Variants in C16orf74 observed in about 807,000 individuals in gnomAD.
C16orf74 encodes the protein calcimembrin.
C16orf74 carries 10 observed loss-of-function variants against 6.5 expected under a neutral mutation model. That is an observed-to-expected ratio of 1.54 (90% confidence interval 0.95 to 2.61). The LOEUF (loss-of-function observed/expected upper bound fraction) is 2.61. C16orf74 is among the 30% of genes most tolerant of loss of function. The pLI is 0.00. For missense variants in C16orf74, 141 were observed against 105.9 expected, an observed-to-expected ratio of 1.33 and a Z score of -1.45; for synonymous variants, 60 against 42.5, an observed-to-expected ratio of 1.41 and a Z score of -1.60.
chr16:85,731,385 G>T (rs1314767996), intron 2 of C16orf74, among the ~76,000 whole-genome samples: 2 of 152,272 alleles, frequency 1.3e-5, no homozygotes, highest in Non-Finnish European at 2.9e-5. Context: ...AAATCGTTAA[G>T]GGGCAGAGCT....
At chr16:85,744,908 G>C (rs1338299856) in intron 1 of C16orf74, among the ~76,000 whole-genome samples, 1 of 150,402 alleles carries the variant, frequency 6.6e-6, no homozygotes, top group African/African-American at 2.4e-5. Flanking sequence ...TTGGGAGGCC[G>C]AGGTGGGCGG....
Position 85,744,242 on chromosome 16 carries a change from A to AAAG in C16orf74, c.-19+6683_-19+6684insCTT, listed in dbSNP as rs1205712618. 180 of 149,692 alleles carry AAAG rather than the reference A, an allele frequency of 1.2e-3. 2 individuals carry two copies. The highest frequency in any genetic ancestry group is 4.3e-3 in the African/African-American group (174 of 40,752). The allele number at this position is 149,692 out of a possible 1,614,324, so 9.3% of individuals were successfully genotyped here. A position where few individuals can be genotyped will look rare whatever the true frequency, so the allele number is the denominator to read the frequency against. On this transcript the variant is annotated intron_variant, in intron 1 of 3. Transcript: ENST00000284245. Reference sequence around the variant, plus strand: ...CTCCGTCTCAAAAAAAAAAAAAAAAAAAAAAGAAAAGAAAAGAAAAAGAAA... The same window carrying AAAG: ...CTCCGTCTCAAAAAAAAAAAAAAAAAAAGAAAAAGAAAAGAAAAGAAAAAGAAA...
chr16:85,739,181 G>A (rs1042962657), intron 1 of C16orf74, among the ~76,000 whole-genome samples: 6 of 152,074 alleles, frequency 3.9e-5, no homozygotes, highest in African/African-American at 1.2e-4. Context: ...ATAAGCCAGA[G>A]GGAAAGCTGC....
At chr16:85,739,566 A>C (rs1193441425) in intron 1 of C16orf74, among the ~76,000 whole-genome samples, 1 of 152,228 alleles carries the variant, frequency 6.6e-6, no homozygotes, top group African/African-American at 2.4e-5. Flanking sequence ...ATAGGAGAGC[A>C]TGACATACTG....
At chr16:85,736,723 T>G (rs2054248726) in intron 1 of C16orf74, among the ~76,000 whole-genome samples, 1 of 152,168 alleles carries the variant, frequency 6.6e-6, no homozygotes, top group Admixed American at 6.5e-5. Flanking sequence ...TGATCACGGA[T>G]AGTTTATCTC....
rs546339875 is a variant in C16orf74, at chr16:85,742,763, AC to A, written c.-18-7529del. Among the ~76,000 whole-genome samples, 16 of 151,758 alleles carry A rather than the reference AC, an allele frequency of 1.1e-4. No homozygotes were observed. In the South Asian group the frequency reaches 2.9e-3, roughly 28 times the overall value. On this transcript the variant is annotated intron_variant, in intron 1 of 3. Transcript: ENST00000284245. ...TCCATGTTAATCAGGCTAGTCTTGA[AC>A]TCCCAACCTCAGGTGATCCGCCTGC...
chr16:85,710,854 C>G (rs2152057531), intron 2 of C16orf74: 1 of 152,770 alleles, frequency 6.5e-6, no homozygotes, highest in Middle Eastern at 3.4e-3. Context: ...TGGCTGCTCC[C>G]TCTTTTGCCC....
chr16:85,715,145 A>C (rs1421447646), intron 2 of C16orf74, among the ~76,000 whole-genome samples: 1 of 136,358 alleles, frequency 7.3e-6, no homozygotes. Context: ...TGACAGAGCC[A>C]GACTCCGTCT....
chr16:85,715,406 G>A (rs1211787368), intron 2 of C16orf74, among the ~76,000 whole-genome samples: 2 of 152,220 alleles, frequency 1.3e-5, no homozygotes, highest in South Asian at 2.1e-4. Context: ...ACCTAAGAGA[G>A]TAATATCCAC....
At chr16:85,724,226 C>T (rs978157633) in intron 2 of C16orf74, among the ~76,000 whole-genome samples, 14 of 152,182 alleles carry the variant, frequency 9.2e-5, no homozygotes, top group African/African-American at 3.1e-4. Context: ...AACACAAAGC[C>T]AGGGAGACCC....
In C16orf74 at chr16:85,741,985, G is replaced by A. The variant is rs550283574; in HGVS notation, c.-18-6750C>T. Among the ~76,000 whole-genome samples, 8 of 152,308 alleles carry A rather than the reference G, an allele frequency of 5.3e-5. No homozygotes were observed. In the East Asian group the frequency reaches 1.4e-3, roughly 26 times the overall value. On this transcript the variant is annotated intron_variant, in intron 1 of 3. Coordinates refer to ENST00000284245, the MANE Select transcript of C16orf74 (RefSeq NM_206967.3). ...GCCTGATGGGAGGTGTCTGGGTCATGGGGCAATCTCTCATGAACAGCTTGC... is the reference window on the plus strand; with the variant it reads ...GCCTGATGGGAGGTGTCTGGGTCATAGGGCAATCTCTCATGAACAGCTTGC...
At chr16:85,739,609 G>A (rs968899504) in intron 1 of C16orf74, among the ~76,000 whole-genome samples, 25 of 152,054 alleles carry the variant, frequency 1.6e-4, no homozygotes, top group African/African-American at 6.0e-4. Flanking sequence ...GACCAGCCTG[G>A]GCAACATGGC....
At chr16:85,745,805 A>G (rs2152067049) in intron 1 of C16orf74, among the ~76,000 whole-genome samples, 1 of 152,066 alleles carries the variant, frequency 6.6e-6, no homozygotes, top group Non-Finnish European at 1.5e-5. Context: ...CCAAAGACAC[A>G]GAATCTCCCG....
chr16:85,718,387 T>G (rs1041692214), intron 2 of C16orf74, among the ~76,000 whole-genome samples: 2 of 152,196 alleles, frequency 1.3e-5, no homozygotes, highest in African/African-American at 4.8e-5. Flanking sequence ...AAAACAGCGT[T>G]TGGGCTTGCA....
chr16:85,740,553 T>C (rs989732902), intron 1 of C16orf74, among the ~76,000 whole-genome samples: 9 of 151,752 alleles, frequency 5.9e-5, no homozygotes, highest in African/African-American at 9.7e-5. Flanking sequence ...ATATAAAAAA[T>C]TAGCCAGGCG....
intron 2 of C16orf74, among the ~76,000 whole-genome samples, chr16:85,711,623 CAAAAA>C (rs57336507): frequency 4.2e-4 from 47 of 111,036 alleles, no homozygotes; most frequent in African/African-American, 1.5e-3. Flanking sequence ...AACTCTGTCT[CAAAAA>C]AAAAAAAAAA....
At chr16:85,717,384 A>G (rs560919916) in intron 2 of C16orf74, among the ~76,000 whole-genome samples, 1 of 152,206 alleles carries the variant, frequency 6.6e-6, no homozygotes, top group African/African-American at 2.4e-5. Flanking sequence ...AAAAACTCCC[A>G]GGTGACTTTA....
chr16:85,727,813 C>CA (rs2054149146), intron 2 of C16orf74, among the ~76,000 whole-genome samples: 1 of 145,514 alleles, frequency 6.9e-6, no homozygotes, highest in Admixed American at 6.9e-5. Context: ...GGCCCTGTTT[C>CA]AAAAAAACAA....
intron 2 of C16orf74, among the ~76,000 whole-genome samples, chr16:85,717,207 C>A (rs911935380): frequency 2.0e-5 from 3 of 152,226 alleles, no homozygotes; most frequent in African/African-American, 7.2e-5. Context: ...CGGGTGCTGG[C>A]ATGGCGAGGT....
Sources: allele counts gnomAD v4.1 joint callset (sites outside exome capture counted in the v4.1 genomes callset), GRCh38; gene constraint gnomAD v4.1.1; transcripts MANE v1.5; gene names NCBI Gene and HGNC (gene_info 2026-07-23, HGNC 2026-07-21).